Variants in CECR2 observed in about 807,000 individuals in gnomAD.
The protein encoded by CECR2 is chromatin remodeling regulator CECR2.
In CECR2, 30 loss-of-function variants were observed where a neutral mutation model predicts 154.5. The observed-to-expected ratio is 0.19, with a 90% CI of 0.15 to 0.26. The LOEUF (loss-of-function observed/expected upper bound fraction) is 0.26, where lower values mean the gene tolerates loss of function less well. Ranked by LOEUF, CECR2 falls within the 10% of genes least tolerant of loss-of-function variation. The pLI is 1.00. For synonymous variants in CECR2, 725 were observed against 683.7 expected (o/e 1.06, Z -0.94); for missense variants, 1,743 against 1,829.3 (o/e 0.95, Z 0.86).
chr22:17,421,780 G>A (rs781557003), intron 1 of CECR2, among the ~76,000 whole-genome samples: 1 of 151,018 alleles, frequency 6.6e-6, no homozygotes, highest in Admixed American at 6.6e-5. Context: ...GTGACAGAGC[G>A]AGACTCCGTC....
At chr22:17,455,778 T>C (rs952560632) in intron 1 of CECR2, among the ~76,000 whole-genome samples, 4 of 152,146 alleles carry the variant, frequency 2.6e-5, no homozygotes, top group Non-Finnish European at 4.4e-5. Context: ...GCCCGGCTAA[T>C]TTTTGTATTT....
At chr22:17,501,149 C>G (rs1467552964) in intron 5 of CECR2, among the ~76,000 whole-genome samples, 1 of 152,118 alleles carries the variant, frequency 6.6e-6, no homozygotes, top group African/African-American at 2.4e-5. Context: ...TGTAAATACA[C>G]TTTTTACTTA....
At chr22:17,522,129 G>T (rs1302756100) in intron 8 of CECR2, among the ~76,000 whole-genome samples, 2 of 151,988 alleles carry the variant, frequency 1.3e-5, no homozygotes, top group Non-Finnish European at 2.9e-5. Flanking sequence ...TTTGGTACCA[G>T]TACCATGCTG....
At chr22:17,404,664 C>T (rs1303782616) in intron 1 of CECR2, among the ~76,000 whole-genome samples, 6 of 131,286 alleles carry the variant, frequency 4.6e-5, no homozygotes, top group Non-Finnish European at 7.9e-5. Flanking sequence ...TGAACCACCG[C>T]GCCTGGCCCT....
chr22:17,401,835 C>A (rs953029826), intron 1 of CECR2, among the ~76,000 whole-genome samples: 10 of 141,740 alleles, frequency 7.1e-5, no homozygotes, highest in African/African-American at 2.7e-4. Flanking sequence ...AACACCCCCC[C>A]CCGCCCCCGC....
chr22:17,369,178 C>T (rs1323546032), upstream of CECR2, among the ~76,000 whole-genome samples: 4 of 151,760 alleles, frequency 2.6e-5, no homozygotes, highest in Non-Finnish European at 5.9e-5. Context: ...GAGCTCCTGG[C>T]CGTCCTCCCT....
rs150600949 is a variant in CECR2 at position 17,494,706 on chromosome 22, T to C, written c.222-2697T>C. Among the ~76,000 whole-genome samples the C allele has an allele frequency of 4.0e-4, 61 of 152,310 alleles. 1 individual carries two copies. In the East Asian group the frequency reaches 9.3e-3, roughly 23 times the overall value. ...GCAAACTGTTTAAGTGTTTTTTTGT[T>C]TTTTTTGAGACAGCATCTCACTCTG... is the stretch of plus-strand genomic sequence containing the variant. On this transcript the variant is annotated intron_variant, in intron 2 of 18. Transcript: ENST00000262608.
chr22:17,419,919 A>G (rs2054219899), intron 1 of CECR2: 1 of 197,616 alleles, frequency 5.1e-6, no homozygotes, highest in Non-Finnish European at 1.1e-5. Flanking sequence ...AATTGTGACC[A>G]TTTAACTTTA....
intron 2 of CECR2, among the ~76,000 whole-genome samples, chr22:17,490,300 T>C (rs956665234): frequency 3.3e-5 from 5 of 152,198 alleles, no homozygotes; most frequent in African/African-American, 9.6e-5. Flanking sequence ...CTTTGTTATA[T>C]AGTCCTGGGA....
rs778177563 is a variant in CECR2 at position 17,504,961 on chromosome 22, A to G, written c.815A>G (p.Tyr272Cys). Reference protein sequence around the residue: ...ERTSLRERQLYKLLSEDFLPE... With the variant: ...ERTSLRERQLCKLLSEDFLPE... ...ACCTCCCTTCGAGAACGGCAGCTCT[A>G]CAAGCTCCTCAGTGAGGACTTCCTG... Residue 272 changes from tyrosine to cysteine, a missense_variant, in exon 7 of 19, where the codon TAC (tyrosine) becomes TGC (cysteine). This residue lies in a region of CECR2 where 292 missense variants were observed against 301.2 expected (regional missense o/e 0.97). Coordinates refer to ENST00000262608, the MANE Select transcript of CECR2 (RefSeq NM_001290047.2). The G allele has an allele frequency of 1.2e-6, 2 of 1,613,588 alleles. No homozygotes were observed. The highest frequency in any genetic ancestry group is 1.7e-5 in the Admixed American group (1 of 59,968).
intron 9 of CECR2, among the ~76,000 whole-genome samples, chr22:17,529,993 A>G (rs1322860775): frequency 6.6e-6 from 1 of 152,172 alleles, no homozygotes; most frequent in African/African-American, 2.4e-5. Context: ...TTCTAAGCGG[A>G]TTTTATTCTG....
At chr22:17,495,591 G>A (rs989257557) in intron 2 of CECR2, among the ~76,000 whole-genome samples, 2 of 145,124 alleles carry the variant, frequency 1.4e-5, no homozygotes, top group African/African-American at 2.6e-5. Context: ...AAACGGGTGT[G>A]GTGGCTCACG....
At position 17,539,948 on chromosome 22, in the gene CECR2, C is replaced by G. The variant is rs139733064; in HGVS notation, c.1496-464C>G. 2.6e-5 allele frequency among the ~76,000 whole-genome samples: 4 copies of G among 152,172 alleles called. No homozygotes were observed. In the South Asian group the frequency reaches 8.3e-4, roughly 31 times the overall value. On this transcript the variant is annotated intron_variant, in intron 13 of 18. Coordinates refer to ENST00000262608, the MANE Select transcript of CECR2 (RefSeq NM_001290047.2). Reference sequence around the variant, plus strand: ...TCTTGGGCTCAAGGGATCCTCCTCCCTCAGTCCCAAGTAGCTGGGACTATC... The same window carrying G: ...TCTTGGGCTCAAGGGATCCTCCTCCGTCAGTCCCAAGTAGCTGGGACTATC...
chr22:17,395,711 C>T lies in CECR2; in HGVS notation c.126+25802C>T, dbSNP rs575157106. 7.7e-4 allele frequency among the ~76,000 whole-genome samples: 117 copies of T among 152,230 alleles called. 1 individual carries two copies. Among genetic ancestry groups the T allele is most frequent in the African/African-American group, 2.7e-3 (114 of 41,536 alleles). ...AATATTATCCTGTACGACCACTTAA[C>T]ATTCATATTTCTACAGAAAAAAAAT... On this transcript the variant is annotated intron_variant, in intron 1 of 18. Transcript: ENST00000262608.
intron 1 of CECR2, among the ~76,000 whole-genome samples, chr22:17,414,537 T>G (rs2054127721): frequency 6.6e-6 from 1 of 151,944 alleles, no homozygotes. Context: ...TTATTATACT[T>G]TAAGTTCTAG....
chr22:17,360,846 A>T (rs1300171813), intron 1 of CECR2, among the ~76,000 whole-genome samples: 1 of 21,996 alleles, frequency 4.5e-5, no homozygotes, highest in African/African-American at 6.2e-4. Context: ...CCTGTCTCAA[A>T]CAAACAAACA....
At chr22:17,387,182 C>T (rs1303488839) in intron 1 of CECR2, among the ~76,000 whole-genome samples, 1 of 152,204 alleles carries the variant, frequency 6.6e-6, no homozygotes, top group Non-Finnish European at 1.5e-5. Flanking sequence ...GAGGGAGTTA[C>T]AGCTCAACAG....
In CECR2 at chr22:17,548,460, T is replaced by A; in HGVS notation, c.3173T>A (p.Ile1058Asn). 1 of 1,613,898 alleles carries A rather than the reference T, an allele frequency of 6.2e-7. No individual in the cohort carries two copies. The change falls in exon 17 of 19, where the codon ATT (isoleucine) becomes AAT (asparagine). Residue 1058 changes from isoleucine (I) to asparagine (N), a missense_variant. By Grantham distance (149) the Ile-to-Asn change is moderately radical (BLOSUM62 -3). Around this residue, in one of 4 missense-constraint regions of CECR2, gnomAD observed 1,250 missense variants for 1,192.1 expected, o/e 1.05. Coordinates refer to ENST00000262608, the MANE Select transcript of CECR2 (RefSeq NM_001290047.2). ...GGCGCTCTATCCGAGAACGGAGTCA[T>A]TGGGGAAGCATCTCCTTGTGGATCG... ...DRGALSENGV[I>N]GEASPCGSEG...
Position 17,447,033 on chromosome 22 carries a change from C to CTGTTTTTTTTTTTTTTTTTTTTT in CECR2, c.127-30554_127-30553insGTTTTTTTTTTTTTTTTTTTTTT, listed in dbSNP as rs1339121774. On this transcript the variant is annotated intron_variant, in intron 1 of 18. Coordinates refer to ENST00000262608, the MANE Select transcript of CECR2 (RefSeq NM_001290047.2). ...GAGTGCTGAGTGGTGCGTTTACAATCTTTTTTTTTTTTTTTTTTTGAGACA... is the reference window on the plus strand; with the variant it reads ...GAGTGCTGAGTGGTGCGTTTACAATCTGTTTTTTTTTTTTTTTTTTTTTTTTTTTTTTTTTTTTTTTTGAGACA... Among the ~76,000 whole-genome samples the CTGTTTTTTTTTTTTTTTTTTTTT allele has an allele frequency of 2.7e-4, 31 of 114,094 alleles. 5 individuals carry two copies. Among genetic ancestry groups the CTGTTTTTTTTTTTTTTTTTTTTT allele is most frequent in the African/African-American group, 1.0e-3 (27 of 26,688 alleles). 74.9% of individuals were successfully genotyped at this position (114,094 alleles called of 152,430 possible).
Sources: gnomAD v4.1 joint callset for allele counts (sites outside exome capture counted in the v4.1 genomes callset) on GRCh38, gnomAD v4.1.1 for gene constraint, gnomAD v4.1.1 regional missense constraint, MANE v1.5 for transcripts, NCBI Gene and HGNC (gene_info 2026-07-23, HGNC 2026-07-21) for gene names.